Variants in FCSK observed in about 807,000 individuals in gnomAD.
FCSK encodes the protein fucose kinase.
In FCSK, 123 loss-of-function variants were observed where a neutral mutation model predicts 122.5. The observed-to-expected ratio is 1.00, with a 90% CI of 0.87 to 1.17. FCSK has a LOEUF of 1.17. Ranked by LOEUF, FCSK falls within the 50% of genes most tolerant of loss-of-function variation. FCSK has a pLI of 0.00. For missense variants in FCSK, 1,366 were observed against 1,450.4 expected (o/e 0.94, Z 0.95); for synonymous variants, 620 against 625.5 (o/e 0.99, Z 0.13).
intron 5 of FCSK, chr16:70,466,586 A>C: frequency 2.0e-6 from 1 of 508,686 alleles, no homozygotes; most frequent in East Asian, 3.3e-5. Flanking sequence ...AGTCCCAGCT[A>C]CTCAAGAGGC....
In FCSK at chr16:70,479,690, C is replaced by A. The variant is rs775595210; in HGVS notation, c.*10C>A. ...TTGCCCTTTCCCATGAAGCTGGCTT[C>A]TCTCTGCAACAGGAGAAAACCTGGA... On this transcript the variant is annotated 3_prime_UTR_variant, in exon 24 of 24. Transcript: ENST00000288078. 2.5e-6 allele frequency: 4 copies of A among 1,610,336 alleles called. No individual in the cohort carries two copies. Among genetic ancestry groups the A allele is most frequent in the Non-Finnish European group, 3.4e-6 (4 of 1,177,146 alleles).
intron 20 of FCSK, chr16:70,477,434 G>C (rs930319535): frequency 6.6e-6 from 1 of 152,030 alleles, no homozygotes; most frequent in African/African-American, 2.4e-5. Flanking sequence ...CGCCTGCCTT[G>C]GCCTCCCAAA....
intron 20 of FCSK, 141 bp from the exon 21 acceptor site, chr16:70,478,131 G>A: frequency 1.4e-6 from 1 of 733,338 alleles, no homozygotes; most frequent in Non-Finnish European, 2.2e-6. Context: ...GACAGAAGCT[G>A]CATAGCTCAC....
rs573882717 is a variant in FCSK at position 70,464,373 on chromosome 16, C to T, written c.234+599C>T. ...CCCCTTCAAAACAGACAGCAGAGGCCGGGCGCGGTGGCTCATGCCTTTAAT... is the reference window on the plus strand; with the variant it reads ...CCCCTTCAAAACAGACAGCAGAGGCTGGGCGCGGTGGCTCATGCCTTTAAT... On this transcript the variant is annotated intron_variant, in intron 3 of 23. Transcript: ENST00000288078. Among the ~76,000 whole-genome samples the T allele has an allele frequency of 9.4e-4, 143 of 152,242 alleles. 1 individual carries two copies. Among genetic ancestry groups the T allele is most frequent in the African/African-American group, 3.0e-3 (123 of 41,552 alleles).
intron 4 of FCSK, among the ~76,000 whole-genome samples, chr16:70,465,448 CAGG>C (rs2048387591): frequency 6.6e-6 from 1 of 151,276 alleles, no homozygotes; most frequent in African/African-American, 2.4e-5. Context: ...TGCTTGAGCC[CAGG>C]AGATCGAGAC....
intron 18 of FCSK, 105 bp downstream of exon 18, chr16:70,475,116 C>T: frequency 1.7e-6 from 2 of 1,146,788 alleles, no homozygotes; most frequent in Non-Finnish European, 2.4e-6. Context: ...GCCAGCCAGT[C>T]TGGCTGAGGA....
chr16:70,468,674 G>A, intron 8 of FCSK, among the ~76,000 whole-genome samples, 175 bp from the exon 9 acceptor site: 1 of 152,004 alleles, frequency 6.6e-6, no homozygotes, highest in East Asian at 1.9e-4. Flanking sequence ...AGGTGTCTTG[G>A]TGGGAGCTAC....
At chr16:70,468,989 A>T in intron 9 of FCSK, 21 bp downstream of exon 9, 1 of 1,611,960 alleles carries the variant, frequency 6.2e-7, no homozygotes, top group Non-Finnish European at 8.5e-7. Context: ...GAGGGCAGCT[A>T]GGTGGGGCCT....
chr16:70,474,457 G>T, intron 16 of FCSK, 71 bp from the exon 17 acceptor site: 1 of 1,546,650 alleles, frequency 6.5e-7, no homozygotes, highest in Non-Finnish European at 8.7e-7. Context: ...GGACAGTCAG[G>T]TCCCCAAAGC....
At chr16:70,455,023 A>G (rs2048046053) in intron 1 of FCSK, 1 of 152,198 alleles carries the variant, frequency 6.6e-6, no homozygotes, top group South Asian at 2.1e-4. Context: ...AGGGCTCAGT[A>G]TTATGCACAA....
rs1225942245 is a variant in FCSK at position 70,478,878 on chromosome 16, A to G, written c.2929+228A>G. The G allele has an allele frequency of 5.7e-6, 4 of 699,108 alleles. No individual in the cohort carries two copies. In the East Asian group the frequency reaches 1.1e-4, roughly 19 times the overall value. 43.3% of individuals were successfully genotyped at this position (699,108 alleles called of 1,614,324 possible). On this transcript the variant is annotated intron_variant, in intron 22 of 23. Transcript: ENST00000288078. The stretch of plus-strand genomic sequence containing the variant: ...GCCCTCCAGCCCTAACAGGAAGCAG[A>G]GAGGGGAAGGGACTCAACCCATGGC...
chr16:70,472,097 C>A (rs927347438), intron 13 of FCSK, among the ~76,000 whole-genome samples: 2 of 151,986 alleles, frequency 1.3e-5, no homozygotes, highest in Non-Finnish European at 2.9e-5. Flanking sequence ...GTGTGAGCCA[C>A]CGCGCACGGC....
chr16:70,475,849 G>C (rs2048795079), intron 20 of FCSK, 82 bp downstream of exon 20: 6 of 1,382,242 alleles, frequency 4.3e-6, no homozygotes, highest in Non-Finnish European at 5.7e-6. Context: ...CCCTGGATTT[G>C]CATGTGATTG....
At chr16:70,469,401 T>C (rs2048538339) in intron 10 of FCSK, 78 bp downstream of exon 10, 1 of 1,410,394 alleles carries the variant, frequency 7.1e-7, no homozygotes, top group Non-Finnish European at 9.5e-7. Flanking sequence ...GCTCACTGCA[T>C]GCTGGGCCAG....
chr16:70,479,060 G>A (rs2151733924), intron 22 of FCSK, 120 bp from the exon 23 acceptor site: 1 of 799,466 alleles, frequency 1.3e-6, no homozygotes, highest in South Asian at 1.7e-5. Context: ...AGCCGGCACT[G>A]GAATCCGGCT....
intron 20 of FCSK, 150 bp downstream of exon 20, chr16:70,475,917 C>G: frequency 1.2e-6 from 1 of 821,508 alleles, no homozygotes; most frequent in Admixed American, 3.6e-5. Flanking sequence ...GTCACTTTGA[C>G]CTTCTCTGGT....
At chr16:70,467,078 G>A (rs781295840) in intron 6 of FCSK, 124 bp downstream of exon 6, 5 of 917,424 alleles carry the variant, frequency 5.5e-6, no homozygotes, top group Non-Finnish European at 6.9e-6. Flanking sequence ...GGAAGCTGGA[G>A]GGTGTGGAGA....
chr16:70,455,941 G>A (rs2048082374), intron 1 of FCSK, among the ~76,000 whole-genome samples: 1 of 151,298 alleles, frequency 6.6e-6, no homozygotes, highest in Admixed American at 6.6e-5. Context: ...CCAACACTTA[G>A]GAAGGCCAAG....
In FCSK at chr16:70,467,949, G is replaced by A; in HGVS notation, c.646G>A (p.Asp216Asn). The A allele has an allele frequency of 6.2e-7, 1 of 1,614,128 alleles. No individual in the cohort carries two copies. Among genetic ancestry groups the A allele is most frequent in the Non-Finnish European group, 8.5e-7 (1 of 1,179,976 alleles). Residue 216 changes from aspartate to asparagine, a missense_variant, in exon 8 of 24, where the codon GAT becomes AAT. Physicochemically the swap from Asp to Asn is conservative, Grantham distance 23 (BLOSUM62 1). Coordinates refer to ENST00000288078, the MANE Select transcript of FCSK (RefSeq NM_145059.3). ...AGAGATTCAGCGGTGTGTCAGGCCT[G>A]ATGGGCGGGTGCCACTGGTATGGCT... Reference protein sequence around the residue: ...EAEIQRCVRPDGRVPLVSGVV... With the variant: ...EAEIQRCVRPNGRVPLVSGVV...
Sources: allele counts gnomAD v4.1 joint callset (sites outside exome capture counted in the v4.1 genomes callset), GRCh38; gene constraint gnomAD v4.1.1; transcripts MANE v1.5; gene names NCBI Gene and HGNC (gene_info 2026-07-23, HGNC 2026-07-21).